The following ADGRB3 variants were observed in gnomAD, a reference collection of about 807,000 sequenced individuals.
ADGRB3 encodes the protein adhesion G protein-coupled receptor B3, also known as brain-specific angiogenesis inhibitor 3.
A neutral mutation model predicts 193.4 loss-of-function variants in ADGRB3; 37 were observed. That is an observed-to-expected ratio of 0.19 (90% CI 0.15 to 0.25). The LOEUF (loss-of-function observed/expected upper bound fraction) is 0.25. Ranked by LOEUF, ADGRB3 falls within the 10% of genes least tolerant of loss-of-function variation. The probability of loss-of-function intolerance (pLI) is 1.00; values close to 1 mark genes in which losing one functional copy is unlikely to be tolerated. For missense variants in ADGRB3, 1,637 were observed against 1,852.9 expected (o/e 0.88, Z 2.14); for synonymous variants, 690 against 644.2 (o/e 1.07, Z -1.08).
intron 3 of ADGRB3, among the ~76,000 whole-genome samples, chr6:68,797,254 A>C (rs1767226981): frequency 2.0e-5 from 3 of 152,178 alleles, no homozygotes; most frequent in Admixed American, 2.0e-4. Flanking sequence ...TTCACTGCCC[A>C]GTGAGAGGAG....
At chr6:68,650,690 T>C (rs963467720) in intron 3 of ADGRB3, among the ~76,000 whole-genome samples, 19 of 152,316 alleles carry the variant, frequency 1.2e-4, no homozygotes, top group African/African-American at 4.6e-4. Flanking sequence ...TGTATTTTTG[T>C]GTATCTTCTT....
At chr6:69,206,250 A>C (rs1765538363) in intron 17 of ADGRB3, among the ~76,000 whole-genome samples, 1 of 151,676 alleles carries the variant, frequency 6.6e-6, no homozygotes, top group Non-Finnish European at 1.5e-5. Flanking sequence ...AAGCTAGTCC[A>C]GTCTCTCTTT....
rs1348531857 is a variant in ADGRB3 at position 69,031,039 on chromosome 6, CTCTTCTCTTCTCTT to C, written c.2107+12541_2107+12554del. ...TCTTTTTTTTTTCCTCTTCTCTTCT[CTCTTCTCTTCTCTT>C]CTCTTCTCTTCTCTTCTCTTCTCTT... On this transcript the variant is annotated intron_variant, in intron 13 of 31. Coordinates refer to ENST00000370598, the MANE Select transcript of ADGRB3 (RefSeq NM_001704.3). 8.8e-4 allele frequency among the ~76,000 whole-genome samples: 19 copies of C among 21,502 alleles called. 2 individuals are homozygous for C. The highest frequency in any genetic ancestry group is 8.5e-3 in the East Asian group (2 of 234). The allele number at this position is 21,502 out of a possible 152,430, so 14.1% of individuals were successfully genotyped here.
chr6:68,636,987 T>G (rs1448062567), intron 1 of ADGRB3, among the ~76,000 whole-genome samples: 6 of 152,034 alleles, frequency 3.9e-5, no homozygotes, highest in Non-Finnish European at 7.4e-5. Flanking sequence ...AGGAAATTAT[T>G]TCCAGAATTT....
chr6:69,249,692 T>C (rs1040240711), intron 20 of ADGRB3, among the ~76,000 whole-genome samples: 1 of 152,180 alleles, frequency 6.6e-6, no homozygotes, highest in Non-Finnish European at 1.5e-5. Context: ...TGGATTGTTA[T>C]TATGTATATC....
intron 17 of ADGRB3, among the ~76,000 whole-genome samples, chr6:69,083,942 T>G (rs1772473372): frequency 6.6e-6 from 1 of 152,046 alleles, no homozygotes; most frequent in South Asian, 2.1e-4. Flanking sequence ...ACCCAGCTAA[T>G]TTTTGCATTT....
At chr6:69,044,656 G>T (rs1165015037) in intron 13 of ADGRB3, among the ~76,000 whole-genome samples, 3 of 152,210 alleles carry the variant, frequency 2.0e-5, no homozygotes, top group Non-Finnish European at 2.9e-5. Context: ...CAAAATGAAA[G>T]TATTAAAATT....
At chr6:69,323,674 T>G (rs1768510015) in intron 20 of ADGRB3, among the ~76,000 whole-genome samples, 1 of 152,094 alleles carries the variant, frequency 6.6e-6, no homozygotes, top group Non-Finnish European at 1.5e-5. Context: ...ACAGTGCTAC[T>G]CAGCTTCTTA....
At chr6:69,061,329 C>T (rs907233414) in intron 15 of ADGRB3, among the ~76,000 whole-genome samples, 1 of 151,852 alleles carries the variant, frequency 6.6e-6, no homozygotes, top group African/African-American at 2.4e-5. Flanking sequence ...AATAACTCCG[C>T]ATTTTTTTCT....
At chr6:68,790,019 C>G (rs943276780) in intron 3 of ADGRB3, among the ~76,000 whole-genome samples, 1 of 152,146 alleles carries the variant, frequency 6.6e-6, no homozygotes, top group African/African-American at 2.4e-5. Flanking sequence ...CCTTTAAGGA[C>G]TTCTCTGCAT....
At chr6:69,181,176 T>C (rs969285445) in intron 17 of ADGRB3, among the ~76,000 whole-genome samples, 1 of 152,166 alleles carries the variant, frequency 6.6e-6, no homozygotes, top group African/African-American at 2.4e-5. Flanking sequence ...GGGTGTCCTT[T>C]ATGATTCTGG....
At chr6:68,809,791 A>T (rs752151383) in intron 3 of ADGRB3, among the ~76,000 whole-genome samples, 6 of 152,294 alleles carry the variant, frequency 3.9e-5, no homozygotes, top group Admixed American at 1.3e-4. Context: ...TTGTGGTAAA[A>T]ACATATTAGT....
chr6:68,661,416 T>TATAC (rs1561986356), intron 3 of ADGRB3, among the ~76,000 whole-genome samples: 1 of 109,904 alleles, frequency 9.1e-6, no homozygotes, highest in South Asian at 2.9e-4. Context: ...TATGTGTGTG[T>TATAC]ATATATATGT....
intron 3 of ADGRB3, among the ~76,000 whole-genome samples, chr6:68,869,534 A>G (rs1343182950): frequency 6.6e-6 from 1 of 152,132 alleles, no homozygotes; most frequent in Non-Finnish European, 1.5e-5. Context: ...ATGCTGACAA[A>G]TTTTAGCAAG....
chr6:68,847,043 C>T lies in ADGRB3; in HGVS notation c.758-83516C>T, dbSNP rs557604167. Among the ~76,000 whole-genome samples, 8 of 152,280 alleles carry T rather than the reference C, an allele frequency of 5.3e-5. No homozygotes were observed. The South Asian group carries it at 6.2e-4, about 12-fold the overall frequency. On this transcript the variant is annotated intron_variant, in intron 3 of 31. Transcript: ENST00000370598. ...GCATCAGCATGACCTGGATGTGAGACGTGGAGTCAAAGGTGATCATTTTGG... is the reference window on the plus strand; with the variant it reads ...GCATCAGCATGACCTGGATGTGAGATGTGGAGTCAAAGGTGATCATTTTGG...
Position 69,146,644 on chromosome 6 carries a change from C to T in ADGRB3, c.2480+70606C>T, listed in dbSNP as rs541086363. On this transcript the variant is annotated intron_variant, in intron 17 of 31. Coordinates refer to ENST00000370598, the MANE Select transcript of ADGRB3 (RefSeq NM_001704.3). ...GCTACCACTGGCTCCTTGGAGTGCA[C>T]GGCCCTGGCTATGCCTCCCACACTG... Among the ~76,000 whole-genome samples, 12 of 152,312 alleles carry T rather than the reference C, an allele frequency of 7.9e-5. No homozygotes were observed. The East Asian group carries it at 1.5e-3, about 20-fold the overall frequency.
intron 3 of ADGRB3, among the ~76,000 whole-genome samples, chr6:68,905,178 T>G (rs1766507930): frequency 6.6e-6 from 1 of 152,202 alleles, no homozygotes; most frequent in Non-Finnish European, 1.5e-5. Flanking sequence ...TCTGTTTTAA[T>G]AGTCCCCAAA....
At chr6:69,036,932 A>G (rs900444902) in intron 13 of ADGRB3, among the ~76,000 whole-genome samples, 4 of 152,176 alleles carry the variant, frequency 2.6e-5, no homozygotes, top group Non-Finnish European at 1.5e-5. Flanking sequence ...ATATTTAAGA[A>G]TGGTTTATGA....
chr6:69,255,450 G>A (rs1766739873), intron 20 of ADGRB3, among the ~76,000 whole-genome samples: 1 of 152,162 alleles, frequency 6.6e-6, no homozygotes, highest in African/African-American at 2.4e-5. Flanking sequence ...GCATTTCTCT[G>A]ATGTCCAGTG....
Sources: allele counts gnomAD v4.1 joint callset (sites outside exome capture counted in the v4.1 genomes callset), GRCh38; gene constraint gnomAD v4.1.1; transcripts MANE v1.5; gene names NCBI Gene and HGNC (gene_info 2026-07-23, HGNC 2026-07-21).